Variants in NEBL observed in about 807,000 individuals in gnomAD.
NEBL encodes nebulette, also known as LIM and SH3 protein 2.
In NEBL, 122 loss-of-function variants were observed where a neutral mutation model predicts 140.2. The ratio of observed to expected loss-of-function variants is 0.87; its 90% confidence interval spans 0.75 to 1.01. The LOEUF is 1.01. Among genes scored for constraint, NEBL ranks in the 50% least tolerant of loss-of-function variants. The pLI is 0.00. For synonymous variants in NEBL, 436 were observed against 398.9 expected, an observed-to-expected ratio of 1.09 and a Z score of -1.11; for missense variants, 1,365 against 1,231.3, an observed-to-expected ratio of 1.11 and a Z score of -1.62.
At chr10:20,867,206 C>T (rs1476294616) in intron 7 of NEBL, among the ~76,000 whole-genome samples, 1 of 151,894 alleles carries the variant, frequency 6.6e-6, no homozygotes, top group African/African-American at 2.4e-5. Context: ...TTTTGGATTG[C>T]AATTGGAATT....
chr10:21,119,834 C>T (rs1262367234), intron 2 of NEBL, among the ~76,000 whole-genome samples: 1 of 152,110 alleles, frequency 6.6e-6, no homozygotes, highest in African/African-American at 2.4e-5. Flanking sequence ...GGATGGGATC[C>T]AGGATCACAT....
intron 3 of NEBL, among the ~76,000 whole-genome samples, chr10:21,238,719 A>T (rs1420283745): frequency 3.9e-4 from 27 of 69,092 alleles, no homozygotes; most frequent in African/African-American, 2.7e-3. Flanking sequence ...AAAAAATTAA[A>T]AAAAAAAAAA....
chr10:21,233,287 A>G (rs890831061), intron 3 of NEBL, among the ~76,000 whole-genome samples: 1 of 152,088 alleles, frequency 6.6e-6, no homozygotes, highest in Admixed American at 6.6e-5. Flanking sequence ...GGCTCAAGCA[A>G]TCTGCCCGCC....
At chr10:20,971,820 A>G (rs1037129549) in intron 3 of NEBL, among the ~76,000 whole-genome samples, 79 of 151,966 alleles carry the variant, frequency 5.2e-4, no homozygotes, top group African/African-American at 1.9e-3. Context: ...TCACTGCATT[A>G]GCCAGGATGG....
intron 4 of NEBL, among the ~76,000 whole-genome samples, chr10:20,930,630 T>C (rs1048084645): frequency 6.6e-6 from 1 of 152,180 alleles, no homozygotes; most frequent in Non-Finnish European, 1.5e-5. Context: ...TCTCCACTGA[T>C]GACACACCAT....
At chr10:20,797,668 C>T (rs1377759894) in intron 26 of NEBL, among the ~76,000 whole-genome samples, 1 of 152,058 alleles carries the variant, frequency 6.6e-6, no homozygotes, top group African/African-American at 2.4e-5. Context: ...GATTCCCTGC[C>T]AGGTAGGGAG....
chr10:21,271,754 C>T (rs966454327), intron 1 of NEBL, among the ~76,000 whole-genome samples: 7 of 151,274 alleles, frequency 4.6e-5, no homozygotes, highest in African/African-American at 7.3e-5. Context: ...TTGAGCTCCT[C>T]GCCTCAAGTG....
At chr10:21,067,665 G>A (rs1476094455) in intron 2 of NEBL, among the ~76,000 whole-genome samples, 1 of 152,118 alleles carries the variant, frequency 6.6e-6, no homozygotes, top group African/African-American at 2.4e-5. Flanking sequence ...AGCTTAATCT[G>A]AGAGAGAACA....
intron 13 of NEBL, 21 bp from the exon 14 acceptor site, chr10:20,835,644 C>T (rs374330420): frequency 7.3e-5 from 112 of 1,529,994 alleles, no homozygotes; most frequent in Non-Finnish European, 9.1e-5. Flanking sequence ...CAACATTTTA[C>T]AACATTCAAA....
At chr10:20,822,837 G>A (rs1171245883) in intron 19 of NEBL, among the ~76,000 whole-genome samples, 1 of 152,002 alleles carries the variant, frequency 6.6e-6, no homozygotes. Flanking sequence ...GTGTTACATA[G>A]ACATATTGCA....
intron 4 of NEBL, among the ~76,000 whole-genome samples, chr10:20,914,969 A>AATTTTTTTTTTT: frequency 9.0e-6 from 1 of 111,222 alleles, no homozygotes; most frequent in African/African-American, 3.4e-5. Flanking sequence ...AGTGGCTGGG[A>AATTTTTTTTTTT]TTTTTTTTTT....
At chr10:21,032,434 G>A (rs1218858941) in intron 2 of NEBL, among the ~76,000 whole-genome samples, 1 of 152,140 alleles carries the variant, frequency 6.6e-6, no homozygotes, top group Non-Finnish European at 1.5e-5. Context: ...TCTTCCTGTA[G>A]TGTTGATGCG....
intron 4 of NEBL, among the ~76,000 whole-genome samples, chr10:20,908,415 C>A (rs1209781910): frequency 6.6e-6 from 1 of 152,152 alleles, no homozygotes; most frequent in African/African-American, 2.4e-5. Flanking sequence ...GGTATGGAGA[C>A]AATCTGGTCC....
rs373946202 is a variant in NEBL, at chr10:21,025,718, T to G, written c.165-5517A>C. Among the ~76,000 whole-genome samples, 13 of 152,300 alleles carry G rather than the reference T, an allele frequency of 8.5e-5. No individual in the cohort carries two copies. The East Asian group carries it at 1.2e-3, about 14-fold the overall frequency. Reference sequence around the variant, plus strand: ...GGAGTCAAAGTGCCTGGGTTTGTACTTGGCTTGTCTACCTTCCATCTGTGT... The same window carrying G: ...GGAGTCAAAGTGCCTGGGTTTGTACGTGGCTTGTCTACCTTCCATCTGTGT... On this transcript the variant is annotated intron_variant, in intron 2 of 6. Transcript: ENST00000417816.
chr10:21,202,683 C>T (rs181933957), intron 3 of NEBL, among the ~76,000 whole-genome samples: 2 of 151,852 alleles, frequency 1.3e-5, no homozygotes, highest in East Asian at 1.9e-4. Context: ...AGGATGGTCT[C>T]GATTTCCTGA....
chr10:21,196,714 T>G lies in NEBL; in HGVS notation n.349-24237A>C, dbSNP rs563545702. ...TTATTTCTGAATCTCTCCACTTGACTGGCTTCAAGGACACTACTCAGCTTG... is the reference window on the plus strand; with the variant it reads ...TTATTTCTGAATCTCTCCACTTGACGGGCTTCAAGGACACTACTCAGCTTG... On this transcript the variant is annotated intron_variant and non_coding_transcript_variant, in intron 3 of 8. Transcript: ENST00000675702. 3.3e-5 allele frequency among the ~76,000 whole-genome samples: 5 copies of G among 152,348 alleles called. No homozygotes were observed. The East Asian group carries it at 7.7e-4, about 24-fold the overall frequency.
intron 26 of NEBL, among the ~76,000 whole-genome samples, chr10:20,807,564 C>T (rs1837721450): frequency 6.6e-6 from 1 of 152,098 alleles, no homozygotes; most frequent in Non-Finnish European, 1.5e-5. Flanking sequence ...GTAATGAGTG[C>T]AGAAAAACTA....
chr10:21,129,834 C>G (rs10828195), intron 2 of NEBL, among the ~76,000 whole-genome samples: 7,404 of 151,610 alleles, frequency 0.049, 325 homozygotes, highest in East Asian at 0.22. Context: ...GACAGAGAAA[C>G]GAAAGAACAA....
At chr10:20,811,620 A>T (rs1838150559) in intron 24 of NEBL, among the ~76,000 whole-genome samples, 1 of 152,188 alleles carries the variant, frequency 6.6e-6, no homozygotes, top group Non-Finnish European at 1.5e-5. Context: ...TAGTATAATC[A>T]TCCAAGTTAC....
Sources: allele counts gnomAD v4.1 joint callset (sites outside exome capture counted in the v4.1 genomes callset), GRCh38; gene constraint gnomAD v4.1.1; transcripts MANE v1.5; gene names NCBI Gene and HGNC (gene_info 2026-07-23, HGNC 2026-07-21).